Variants in ZNF536 observed in about 807,000 individuals in gnomAD.
ZNF536 encodes the protein zinc finger protein 536.
In ZNF536, 13 loss-of-function variants were observed where a neutral mutation model predicts 84.5. That is an observed-to-expected ratio of 0.15 (90% CI 0.10 to 0.24). The LOEUF (loss-of-function observed/expected upper bound fraction) is 0.24, where lower values mean the gene tolerates loss of function less well. Among genes scored for constraint, ZNF536 ranks in the 10% least tolerant of loss-of-function variants. The probability of loss-of-function intolerance (pLI) is 1.00; values close to 1 mark genes in which losing one functional copy is unlikely to be tolerated. For missense variants in ZNF536, 1,536 were observed against 1,747.5 expected (o/e 0.88, Z 2.16); for synonymous variants, 811 against 742.5 (o/e 1.09, Z -1.50).
rs118001338 is a variant in ZNF536 at position 30,704,305 on chromosome 19, T to C, written c.170-6452T>C. 4.7e-3 allele frequency among the ~76,000 whole-genome samples: 717 copies of C among 152,242 alleles called. 3 individuals are homozygous for C. Among genetic ancestry groups the C allele is most frequent in the Non-Finnish European group, 7.4e-3 (504 of 68,006 alleles). ...TAGGAATCCCCAAATCTAGGTCCAG[T>C]CAACTAAGATGGCACAGGCAACATG... is the stretch of plus-strand genomic sequence containing the variant. On this transcript the variant is annotated intron_variant, in intron 1 of 1. Transcript: ENST00000592773.
Position 30,678,040 on chromosome 19 carries a change from C to T in ZNF536, c.170-32717C>T, listed in dbSNP as rs545001518. ...TGAGAATGTCAAAAGCTTGAGTGTT[C>T]GGTGACAGTTTATATTTAAAAGCAA... On this transcript the variant is annotated intron_variant, in intron 1 of 1. Coordinates refer to the ZNF536 transcript ENST00000592773. Among the ~76,000 whole-genome samples the T allele has an allele frequency of 6.6e-5, 10 of 152,238 alleles. No homozygotes were observed. The South Asian group carries it at 1.9e-3, about 28-fold the overall frequency.
chr19:30,663,168 C>T (rs756248842), intron 1 of ZNF536, among the ~76,000 whole-genome samples: 13 of 152,116 alleles, frequency 8.5e-5, no homozygotes, highest in South Asian at 4.2e-4. Context: ...TGTCTAATTT[C>T]CTGTCCATTC....
intron 2 of ZNF536, among the ~76,000 whole-genome samples, chr19:30,310,845 A>C (rs1425825634): frequency 6.6e-6 from 1 of 152,224 alleles, no homozygotes; most frequent in Non-Finnish European, 1.5e-5. Context: ...TCCAGGGTTC[A>C]AGTGCTCGGA....
chr19:30,710,808 G>A (rs1332931168), exon 2 of ZNF536: 1 of 152,178 alleles, frequency 6.6e-6, no homozygotes. Context: ...TCTCAGAAGG[G>A]GAACCTGAAG....
chr19:30,705,222 C>A (rs1045387025), intron 1 of ZNF536, among the ~76,000 whole-genome samples: 19 of 152,150 alleles, frequency 1.2e-4, no homozygotes, highest in African/African-American at 3.6e-4. Context: ...TCCCAGTCAA[C>A]TTCCCCAAGG....
intron 1 of ZNF536, among the ~76,000 whole-genome samples, chr19:30,628,409 C>T (rs187085156): frequency 6.6e-6 from 1 of 150,996 alleles, no homozygotes; most frequent in Non-Finnish European, 1.5e-5. Context: ...CGCTGCAGAG[C>T]TCCAGCTCAT....
chr19:30,477,344 A>G (rs2053892073), intron 2 of ZNF536, among the ~76,000 whole-genome samples: 1 of 152,212 alleles, frequency 6.6e-6, no homozygotes, highest in Admixed American at 6.5e-5. Context: ...AGAGTAGCTC[A>G]TGATACAGGA....
chr19:30,444,229 G>T lies in ZNF536; in HGVS notation c.667G>T (p.Asp223Tyr), dbSNP rs2148174852. The change falls in exon 2 of 5, where the codon GAC (aspartate) becomes TAC (tyrosine). Residue 223 changes from aspartate (D) to tyrosine (Y), a missense_variant. Around this residue, in one of 8 missense-constraint regions of ZNF536, gnomAD observed 138 missense variants for 136.8 expected, o/e 1.01. Coordinates refer to ENST00000355537, the MANE Select transcript of ZNF536 (RefSeq NM_014717.3). ...AGGCAGCCTGCTGCAGCCCCGGCCG[G>T]ACCTGAAGCCCCCGCCGCACGCCCA... ...LKGSLLQPRP[D>Y]LKPPPHAQQA... 1 of 1,544,914 alleles carries T rather than the reference G, an allele frequency of 6.5e-7. No individual in the cohort carries two copies.
intron 1 of ZNF536, among the ~76,000 whole-genome samples, chr19:30,598,938 TCCC>T (rs2047561657): frequency 2.5e-4 from 12 of 47,956 alleles, no homozygotes; most frequent in Non-Finnish European, 6.0e-4. Context: ...TCTCCCTCCC[TCCC>T]TCCCTTTCTT....
intron 2 of ZNF536, among the ~76,000 whole-genome samples, chr19:30,532,134 A>G (rs1463935454): frequency 2.1e-5 from 3 of 142,132 alleles, no homozygotes; most frequent in African/African-American, 7.7e-5. Flanking sequence ...TTTTTTTTTT[A>G]TTTTTCATAT....
chr19:30,248,245 A>G (rs2024400699), intron 1 of ZNF536, among the ~76,000 whole-genome samples: 1 of 122,938 alleles, frequency 8.1e-6, no homozygotes, highest in Non-Finnish European at 1.6e-5. Context: ...TTTTTGCGAC[A>G]GAGTCTTTCT....
intron 2 of ZNF536, among the ~76,000 whole-genome samples, chr19:30,309,755 T>G (rs1391674694): frequency 6.6e-6 from 1 of 152,230 alleles, no homozygotes; most frequent in Non-Finnish European, 1.5e-5. Context: ...TCTTGGCTTA[T>G]AAGTTTATTA....
At chr19:30,328,434 T>C (rs1437792046) in intron 2 of ZNF536, among the ~76,000 whole-genome samples, 1 of 152,198 alleles carries the variant, frequency 6.6e-6, no homozygotes, top group Non-Finnish European at 1.5e-5. Context: ...TGTAACCTGC[T>C]CTTGGGGCTC....
At position 30,435,468 on chromosome 19, in the gene ZNF536, ACTG is replaced by A. The variant is rs1352271298; in HGVS notation, c.-2-8080_-2-8078del. On this transcript the variant is annotated intron_variant, in intron 1 of 4. Transcript: ENST00000355537. ...TGAAGATGATGGTGATGGTAGTGAT[ACTG>A]CTGCTGCTGCTGATGATGACGATGG... Among the ~76,000 whole-genome samples, 3 of 145,376 alleles carry A rather than the reference ACTG, an allele frequency of 2.1e-5. No homozygotes were observed. The South Asian group carries it at 6.9e-4, about 33-fold the overall frequency.
At chr19:30,310,800 C>T (rs1229731773) in intron 2 of ZNF536, among the ~76,000 whole-genome samples, 2 of 152,328 alleles carry the variant, frequency 1.3e-5, no homozygotes, top group East Asian at 1.9e-4. Flanking sequence ...AGACAATTAA[C>T]GCCGAGCACT....
At chr19:30,290,290 A>C (rs560427886) in intron 2 of ZNF536, among the ~76,000 whole-genome samples, 62 of 152,090 alleles carry the variant, frequency 4.1e-4, no homozygotes, top group Admixed American at 7.9e-4. Flanking sequence ...CTTTTCTTTT[A>C]TTTTGGGACA....
chr19:30,362,697 A>T (rs545898972), intron 3 of ZNF536, among the ~76,000 whole-genome samples: 1 of 152,290 alleles, frequency 6.6e-6, no homozygotes, highest in Admixed American at 6.5e-5. Flanking sequence ...AGCAAGGCCA[A>T]ATCAAGATTT....
intron 1 of ZNF536, among the ~76,000 whole-genome samples, chr19:30,709,816 C>T (rs2052391659): frequency 6.6e-6 from 1 of 152,082 alleles, no homozygotes; most frequent in Admixed American, 6.5e-5. Context: ...ACAGTCTCAC[C>T]ATGTTGCCCA....
At chr19:30,295,812 A>G (rs913998413) in intron 2 of ZNF536, among the ~76,000 whole-genome samples, 1 of 152,250 alleles carries the variant, frequency 6.6e-6, no homozygotes, top group Admixed American at 6.5e-5. Flanking sequence ...GTGAATGTTC[A>G]TTCTTTAATT....
Sources: allele counts gnomAD v4.1 joint callset (sites outside exome capture counted in the v4.1 genomes callset), GRCh38; gene constraint gnomAD v4.1.1; regional missense constraint gnomAD v4.1.1; transcripts MANE v1.5; gene names NCBI Gene and HGNC (gene_info 2026-07-23, HGNC 2026-07-21).